CPNE8: variants seen among roughly 807,000 people sequenced by gnomAD.
The protein encoded by CPNE8 is copine-8.
A neutral mutation model predicts 81.5 loss-of-function variants in CPNE8; 45 were observed. The observed-to-expected ratio is 0.55, with a 90% CI of 0.44 to 0.71. The LOEUF (loss-of-function observed/expected upper bound fraction) is 0.71. Ranked by LOEUF, CPNE8 falls within the 30% of genes least tolerant of loss-of-function variation. The probability of loss-of-function intolerance (pLI) is 0.00; values close to 1 mark genes in which losing one functional copy is unlikely to be tolerated. For synonymous variants in CPNE8, 252 were observed against 226.3 expected (o/e 1.11, Z -1.02); for missense variants, 594 against 672.1 (o/e 0.88, Z 1.28).
Position 38,753,466 on chromosome 12 carries a change from A to C in CPNE8, c.722+7381T>G, listed in dbSNP as rs544152130. On this transcript the variant is annotated intron_variant, in intron 10 of 19. Coordinates refer to ENST00000331366, the MANE Select transcript of CPNE8 (RefSeq NM_153634.3). ...GTGAGACTCCAACTCAAATAAAAAG[A>C]AAGCAAGCAAGAAAAAGAAAGATAT... 5.3e-5 allele frequency among the ~76,000 whole-genome samples: 8 copies of C among 152,318 alleles called. No homozygotes were observed. The South Asian group carries it at 8.3e-4, about 16-fold the overall frequency.
chr12:38,867,472 T>C (rs535791954), intron 3 of CPNE8, among the ~76,000 whole-genome samples: 55 of 152,184 alleles, frequency 3.6e-4, no homozygotes, highest in Non-Finnish European at 6.5e-4. Context: ...GTGGAGACAA[T>C]GTCAAACTGT....
At chr12:38,820,329 C>A (rs192409876) in intron 6 of CPNE8, among the ~76,000 whole-genome samples, 37 of 151,666 alleles carry the variant, frequency 2.4e-4, no homozygotes, top group African/African-American at 8.9e-4. Context: ...TGCTTGAACC[C>A]GGGAGGCAGA....
chr12:38,830,584 G>C (rs1943269439), intron 5 of CPNE8, among the ~76,000 whole-genome samples: 1 of 152,190 alleles, frequency 6.6e-6, no homozygotes, highest in Non-Finnish European at 1.5e-5. Context: ...AACAAGGTGA[G>C]AGATCTCTCT....
At chr12:38,868,500 T>C (rs149875846) in intron 3 of CPNE8, among the ~76,000 whole-genome samples, 25 of 152,242 alleles carry the variant, frequency 1.6e-4, no homozygotes, top group Middle Eastern at 3.4e-3. Context: ...TTGAACTCCA[T>C]AGCATCATAA....
chr12:38,674,643 T>C (rs1018905294), intron 18 of CPNE8, among the ~76,000 whole-genome samples: 3 of 152,072 alleles, frequency 2.0e-5, no homozygotes, highest in African/African-American at 7.2e-5. Context: ...GAGGGATAAA[T>C]GACTTGCTTT....
upstream of CPNE8, chr12:38,906,103 C>T (rs1259961230): frequency 2.6e-5 from 26 of 986,158 alleles, no homozygotes; most frequent in Admixed American, 1.8e-4. Flanking sequence ...TTCCTAACTG[C>T]CCCGTTATAA....
intron 7 of CPNE8, among the ~76,000 whole-genome samples, chr12:38,774,646 A>T (rs1292513255): frequency 6.6e-6 from 1 of 152,030 alleles, no homozygotes; most frequent in Admixed American, 6.6e-5. Context: ...ATTAGTTCAC[A>T]TTTTTTGGTT....
intron 19 of CPNE8, among the ~76,000 whole-genome samples, chr12:38,666,406 G>A (rs1221714472): frequency 6.6e-6 from 1 of 152,060 alleles, no homozygotes; most frequent in African/African-American, 2.4e-5. Flanking sequence ...TTTCTTATCT[G>A]TAAATAACTA....
chr12:38,657,036 G>A (rs1938836591), intron 19 of CPNE8, among the ~76,000 whole-genome samples: 1 of 152,194 alleles, frequency 6.6e-6, no homozygotes, highest in South Asian at 2.1e-4. Flanking sequence ...TGGACAGTGG[G>A]TGCAGCCCAC....
chr12:38,717,671 G>T (rs1940439915), intron 13 of CPNE8, among the ~76,000 whole-genome samples: 2 of 151,306 alleles, frequency 1.3e-5, no homozygotes, highest in South Asian at 4.2e-4. Context: ...GTGAAGTTTG[G>T]GAGGGTGGTG....
chr12:38,783,403 T>C (rs1402541672), intron 6 of CPNE8, among the ~76,000 whole-genome samples: 2 of 152,168 alleles, frequency 1.3e-5, no homozygotes, highest in African/African-American at 4.8e-5. Flanking sequence ...GAATCACCAG[T>C]GTCACCCCTC....
chr12:38,836,213 T>G (rs938090837), intron 5 of CPNE8, among the ~76,000 whole-genome samples: 2 of 152,154 alleles, frequency 1.3e-5, no homozygotes, highest in Non-Finnish European at 2.9e-5. Context: ...AATATCTTAG[T>G]AAAGCTATTT....
intron 7 of CPNE8, among the ~76,000 whole-genome samples, chr12:38,768,719 GGGT>G (rs1331072031): frequency 6.6e-6 from 1 of 151,852 alleles, no homozygotes; most frequent in Non-Finnish European, 1.5e-5. Flanking sequence ...AGCAGAGACG[GGGT>G]TTCACCGTGT....
chr12:38,806,896 T>C (rs1160646930), intron 6 of CPNE8, among the ~76,000 whole-genome samples: 4 of 151,286 alleles, frequency 2.6e-5, no homozygotes, highest in Non-Finnish European at 4.4e-5. Context: ...ATAAGCAACT[T>C]CAGCAGTCTC....
At chr12:38,729,639 A>C (rs888376406) in intron 11 of CPNE8, among the ~76,000 whole-genome samples, 1 of 152,056 alleles carries the variant, frequency 6.6e-6, no homozygotes, top group Non-Finnish European at 1.5e-5. Context: ...TTCTTGATTA[A>C]ATACTGAGAT....
chr12:38,736,182 A>G (rs937839836), intron 10 of CPNE8, among the ~76,000 whole-genome samples: 1 of 150,724 alleles, frequency 6.6e-6, no homozygotes, highest in Non-Finnish European at 1.5e-5. Context: ...TTTTATACAT[A>G]TATATAATAA....
At chr12:38,702,830 T>C (rs1410424271) in intron 14 of CPNE8, 45 bp downstream of exon 14, 3 of 1,136,234 alleles carry the variant, frequency 2.6e-6, no homozygotes, top group Non-Finnish European at 3.8e-6. Context: ...TTATTTTTCA[T>C]GTAATTGCTG....
intron 10 of CPNE8, among the ~76,000 whole-genome samples, chr12:38,742,912 A>G (rs1015011797): frequency 4.6e-5 from 7 of 151,856 alleles, no homozygotes; most frequent in African/African-American, 1.2e-4. Flanking sequence ...ACATTTTTTC[A>G]TGTTTATAAT....
intron 4 of CPNE8, among the ~76,000 whole-genome samples, chr12:38,841,019 T>A (rs986736002): frequency 1.3e-5 from 2 of 152,144 alleles, no homozygotes; most frequent in African/African-American, 4.8e-5. Flanking sequence ...AAGGTTAAAG[T>A]CTCCTCTCTC....
Sources: gnomAD v4.1 joint callset for allele counts (sites outside exome capture counted in the v4.1 genomes callset) on GRCh38, gnomAD v4.1.1 for gene constraint, MANE v1.5 for transcripts, NCBI Gene and HGNC (gene_info 2026-07-23, HGNC 2026-07-21) for gene names.